The following ACSF3 variants were observed in gnomAD, a reference collection of about 807,000 sequenced individuals.
The protein encoded by ACSF3 is acyl-CoA synthetase family member 3.
ACSF3 carries 78 observed loss-of-function variants against 53.2 expected under a neutral mutation model. The ratio of observed to expected loss-of-function variants is 1.47; its 90% CI spans 1.22 to 1.77. The LOEUF (loss-of-function observed/expected upper bound fraction) is 1.77, where lower values mean the gene tolerates loss of function less well. ACSF3 is among the 40% of genes most tolerant of loss of function. The probability of loss-of-function intolerance (pLI) is 0.00; values close to 1 mark genes in which losing one functional copy is unlikely to be tolerated. For synonymous variants in ACSF3, 414 were observed against 333.1 expected, an observed-to-expected ratio of 1.24 and a Z score of -2.65; for missense variants, 937 against 771.1, an observed-to-expected ratio of 1.22 and a Z score of -2.55.
At chr16:89,126,484 G>T (rs1304656621) in intron 7 of ACSF3, among the ~76,000 whole-genome samples, 1 of 152,158 alleles carries the variant, frequency 6.6e-6, no homozygotes, top group Non-Finnish European at 1.5e-5. Flanking sequence ...GGCCAGGCTG[G>T]TCTCAAACTC....
At chr16:89,098,022 C>A (rs752971244) in intron 1 of ACSF3, among the ~76,000 whole-genome samples, 1 of 151,840 alleles carries the variant, frequency 6.6e-6, no homozygotes. Context: ...TGCAGTGAGC[C>A]GAGATCGTGC....
Position 89,095,552 on chromosome 16 carries a change from G to A in ACSF3, c.-194+1556G>A, listed in dbSNP as rs1261451469. ...CTCCTCTGCCCCACGCTCTCATCGG[G>A]GCAGCCGACAGGAGGAAGTGCCGGC... On this transcript the variant is annotated intron_variant, in intron 1 of 10. Coordinates refer to ENST00000614302, the MANE Select transcript of ACSF3 (RefSeq NM_001243279.3). Among the ~76,000 whole-genome samples the A allele has an allele frequency of 2.0e-5, 3 of 148,180 alleles. No homozygotes were observed. The South Asian group carries it at 6.5e-4, about 32-fold the overall frequency.
rs1325812587 is a variant in ACSF3, at chr16:89,101,393, C to T, written c.666+46C>T. 10 of 1,550,396 alleles carry T rather than the reference C, an allele frequency of 6.4e-6. No individual in the cohort carries two copies. In the East Asian group the frequency reaches 2.4e-4, roughly 38 times the overall value. On this transcript the variant is annotated intron_variant, in intron 3 of 10. Coordinates refer to ENST00000614302, the MANE Select transcript of ACSF3 (RefSeq NM_001243279.3). ...TGATGGTTTCGGTGACCGCACAGCA[C>T]TCCGGGTGGGCTCCGGGCCAGAAGC...
intron 4 of ACSF3, 87 bp from the exon 5 acceptor site, chr16:89,112,005 G>A: frequency 3.0e-6 from 1 of 335,836 alleles, no homozygotes; most frequent in Non-Finnish European, 4.4e-6. Flanking sequence ...TGTGAACCAT[G>A]AGAACGCTGT....
Position 89,155,530 on chromosome 16 carries a change from C to G in ACSF3, c.*1323C>G. 2 of 454,146 alleles carry G rather than the reference C, an allele frequency of 4.4e-6. No individual in the cohort carries two copies. Among genetic ancestry groups the G allele is most frequent in the South Asian group, 3.1e-5 (2 of 64,464 alleles). The allele number at this position is 454,146 out of a possible 1,614,324, so 28.1% of individuals were successfully genotyped here. On this transcript the variant is annotated 3_prime_UTR_variant, in exon 11 of 11. Coordinates refer to ENST00000614302, the MANE Select transcript of ACSF3 (RefSeq NM_001243279.3). Reference sequence around the variant, plus strand: ...GTGGGTGCCCCAGTCCACGGCCCTGCCCCACCCGAACTCCTGCCTCACGGT... The same window carrying G: ...GTGGGTGCCCCAGTCCACGGCCCTGGCCCACCCGAACTCCTGCCTCACGGT...
chr16:89,150,494 G>A (rs981112971), intron 10 of ACSF3: 6 of 165,430 alleles, frequency 3.6e-5, no homozygotes, highest in South Asian at 3.4e-4. Flanking sequence ...TGCCCTCTGC[G>A]TGGGGACACC....
intron 10 of ACSF3, chr16:89,151,184 C>G (rs912904042): frequency 5.6e-6 from 3 of 532,012 alleles, no homozygotes; most frequent in Admixed American, 2.3e-5. Context: ...AAACAGATAA[C>G]TCCCTTAAAA....
At chr16:89,112,750 C>T (rs1904308705) in intron 5 of ACSF3, among the ~76,000 whole-genome samples, 1 of 152,234 alleles carries the variant, frequency 6.6e-6, no homozygotes, top group African/African-American at 2.4e-5. Flanking sequence ...CTCTCTCTCT[C>T]TGTCATGGCG....
intron 6 of ACSF3, among the ~76,000 whole-genome samples, chr16:89,117,327 G>A (rs536263912): frequency 3.9e-5 from 6 of 152,218 alleles, no homozygotes; most frequent in African/African-American, 9.7e-5. Context: ...CCACGGTCAC[G>A]CGGCTGGTGA....
intron 7 of ACSF3, among the ~76,000 whole-genome samples, chr16:89,124,591 G>A (rs541179393): frequency 6.6e-6 from 1 of 152,142 alleles, no homozygotes; most frequent in African/African-American, 2.4e-5. Flanking sequence ...CTGTGTGTGT[G>A]ATACCCATGC....
intron 8 of ACSF3, chr16:89,141,113 C>A: frequency 7.8e-7 from 1 of 1,287,164 alleles, no homozygotes; most frequent in Non-Finnish European, 1.0e-6. Context: ...GAGTCGCCCT[C>A]GCTGCCGCAG....
In ACSF3 at chr16:89,156,177, G is replaced by C. The variant is rs568978889; in HGVS notation, c.*1970G>C. Among the ~76,000 whole-genome samples, 1 of 152,214 alleles carries C rather than the reference G, an allele frequency of 6.6e-6. No homozygotes were observed. The highest frequency in any genetic ancestry group is 2.1e-4 in the South Asian group (1 of 4,812). Reference sequence around the variant, plus strand: ...TGCTCCACCAGCCGAGAACAAGCCCGTCCTGGAGGGAACTCATCCTCTCCT... The same window carrying C: ...TGCTCCACCAGCCGAGAACAAGCCCCTCCTGGAGGGAACTCATCCTCTCCT... On this transcript the variant is annotated 3_prime_UTR_variant, in exon 11 of 11. Transcript: ENST00000614302.
At chr16:89,133,097 G>C in intron 7 of ACSF3, 39 bp from the exon 8 acceptor site, 1 of 1,612,366 alleles carries the variant, frequency 6.2e-7, no homozygotes, top group Non-Finnish European at 8.5e-7. Context: ...CCAAGAGGGT[G>C]TGCCCAGCTC....
At chr16:89,137,648 G>A (rs35560986) in intron 8 of ACSF3, among the ~76,000 whole-genome samples, 22 of 144,616 alleles carry the variant, frequency 1.5e-4, no homozygotes, top group Admixed American at 4.1e-4. Context: ...TCACGGGGAA[G>A]GACTGAGGGG....
intron 1 of ACSF3, among the ~76,000 whole-genome samples, chr16:89,096,950 G>C (rs1199943365): frequency 6.6e-6 from 1 of 152,252 alleles, no homozygotes; most frequent in African/African-American, 2.4e-5. Context: ...TGGATTCCGC[G>C]CAGGAGAACA....
rs550622194 is a variant in ACSF3 at position 89,102,645 on chromosome 16, C to T, written c.708C>T (p.Asp236=). The T allele has an allele frequency of 1.6e-5, 26 of 1,613,858 alleles. 1 individual carries two copies. Among genetic ancestry groups the T allele is most frequent in the African/African-American group, 1.3e-4 (10 of 75,030 alleles). ...ACAAGTGGGCATGGACCAAAGACGA[C>T]GTGATCCTCCACGTGCTCCCGCTGC... The part of the protein sequence containing the change: ...LVHKWAWTKD[D]VILHVLPLHH... Residue 236 remains aspartate (D), a synonymous_variant, in exon 4 of 11, where the codon GAC becomes GAT. Coordinates refer to ENST00000614302, the MANE Select transcript of ACSF3 (RefSeq NM_001243279.3).
intron 7 of ACSF3, among the ~76,000 whole-genome samples, chr16:89,126,938 T>G (rs1054708209): frequency 3.3e-5 from 5 of 152,224 alleles, no homozygotes; most frequent in African/African-American, 1.2e-4. Context: ...TATAATGTGC[T>G]TAGACTTTTT....
At position 89,103,977 on chromosome 16, in the gene ACSF3, C is replaced by T. The variant is rs138734493; in HGVS notation, c.822+1218C>T. On this transcript the variant is annotated intron_variant, in intron 4 of 10. Coordinates refer to ENST00000614302, the MANE Select transcript of ACSF3 (RefSeq NM_001243279.3). ...CCTGGGCTCGAGGCGGGACCCTGTG[C>T]ACAGCATCGGGCCTCGCCTGTCAGT... Among the ~76,000 whole-genome samples the T allele has an allele frequency of 6.3e-3, 960 of 152,330 alleles. 12 individuals are homozygous for T. The highest frequency in any genetic ancestry group is 0.021 in the African/African-American group (885 of 41,572).
intron 2 of ACSF3, among the ~76,000 whole-genome samples, chr16:89,100,073 C>T (rs1975090336): frequency 6.6e-6 from 1 of 151,902 alleles, no homozygotes; most frequent in South Asian, 2.1e-4. Context: ...CCCAGGAAGT[C>T]GAGGCTGCAG....
Sources: allele counts gnomAD v4.1 joint callset (sites outside exome capture counted in the v4.1 genomes callset), GRCh38; gene constraint gnomAD v4.1.1; transcripts MANE v1.5; gene names NCBI Gene and HGNC (gene_info 2026-07-23, HGNC 2026-07-21).